Variants in TMEM191B observed in about 807,000 individuals in gnomAD.
TMEM191B encodes transmembrane protein 191B.
Under a neutral mutation model 26.6 loss-of-function variants are expected in TMEM191B, and 8 were observed. The ratio of observed to expected loss-of-function variants is 0.30; its 90% confidence interval spans 0.18 to 0.54. The LOEUF is 0.54. Ranked by LOEUF, TMEM191B falls within the 20% of genes least tolerant of loss-of-function variation. The pLI is 0.94. For synonymous variants in TMEM191B, 29 were observed against 113.7 expected (o/e 0.26, Z 4.74); for missense variants, 64 against 241.2 (o/e 0.27, Z 4.87).
In TMEM191B at chr22:18,528,823, C is replaced by G. The variant is rs747434095; in HGVS notation, c.427C>G (p.His143Asp). The G allele has an allele frequency of 9.4e-5, 88 of 934,940 alleles. 2 individuals carry two copies. Among genetic ancestry groups the G allele is most frequent in the Non-Finnish European group, 1.3e-4 (85 of 649,464 alleles). The allele number at this position is 934,940 out of a possible 1,614,324, so 57.9% of individuals were successfully genotyped here. A position where few individuals can be genotyped will look rare whatever the true frequency, so the allele number is the denominator to read the frequency against. The change falls in exon 3 of 9, where the codon CAC becomes GAC. Residue 143 changes from histidine to aspartate, a missense_variant. Transcript: ENST00000612978. ...CCCAGGACCCCGTCCGCAGGAGCAG[C>G]ACAGCAGGCAGCTGCAGGAGCAGTG... ...AERHKEDLEQ[H>D]SRQLQEQWEE...
intron 4 of TMEM191B, 95 bp from the exon 5 acceptor site, chr22:18,529,327 GCGGGCGGGGTCATGATCGC>G (rs1932840891): frequency 3.1e-6 from 1 of 327,410 alleles, no homozygotes; most frequent in African/African-American, 4.7e-5. Flanking sequence ...TCCTGAGGAC[GCGGGCGGGGTCATGATCGC>G]CTGGGGGCGG....
Position 18,530,197 on chromosome 22 carries a change from G to GT in TMEM191B, c.836+2dup. On this transcript the variant is annotated splice_donor_variant, in intron 8 of 8. Transcript: ENST00000612978. LOFTEE classifies it high-confidence loss of function. Reference sequence around the variant, plus strand: ...GCGGCCCTCGCGCGCTGGCCATCAGGTGAGCCGGGCGGTGGGCGCGGCCGC... The same window carrying GT: ...GCGGCCCTCGCGCGCTGGCCATCAGGTTGAGCCGGGCGGTGGGCGCGGCCGC... 1 of 558,168 alleles carries GT rather than the reference G, an allele frequency of 1.8e-6. No homozygotes were observed. The highest frequency in any genetic ancestry group is 2.3e-6 in the Non-Finnish European group (1 of 429,512). The allele number at this position is 558,168 out of a possible 1,614,324, so 34.6% of individuals were successfully genotyped here.
In TMEM191B at chr22:18,529,454, T is replaced by C. The variant is rs1202876835; in HGVS notation, c.560T>C (p.Leu187Pro). The C allele has an allele frequency of 3.9e-6, 2 of 514,464 alleles. No homozygotes were observed. The highest frequency in any genetic ancestry group is 7.2e-5 in the African/African-American group (2 of 27,728). The allele number at this position is 514,464 out of a possible 1,614,324, so 31.9% of individuals were successfully genotyped here. The change falls in exon 5 of 9, where the codon CTG becomes CCG. Residue 187 changes from leucine to proline, a missense_variant. Coordinates refer to ENST00000612978, the MANE Select transcript of TMEM191B (RefSeq NM_001242313.1). ...GTCCTTCTCAAGAATGAACTGGAGC[T>C]GGCGGAGACCAAATGCGCCTTGCAG... is the stretch of plus-strand genomic sequence containing the variant. ...QLVTLQNELELAETKCALQEE... is the reference protein window; with the variant it reads ...QLVTLQNELEPAETKCALQEE...
intron 1 of TMEM191B, 77 bp downstream of exon 1, chr22:18,528,353 G>A: frequency 7.6e-7 from 1 of 1,314,996 alleles, no homozygotes; most frequent in South Asian, 1.4e-5. Context: ...GAGGTGCTTC[G>A]CAGAGTACCA....
At chr22:18,529,128 G>C (rs1247146883) in intron 4 of TMEM191B, 35 bp downstream of exon 4, 1 of 920,204 alleles carries the variant, frequency 1.1e-6, no homozygotes, top group South Asian at 1.6e-5. Context: ...TTTAGTAGGG[G>C]CGGAGCAGCA....
intron 1 of TMEM191B, 42 bp from the exon 2 acceptor site, chr22:18,528,517 C>T (rs1286657147): frequency 9.5e-7 from 1 of 1,050,466 alleles, no homozygotes; most frequent in Non-Finnish European, 1.2e-6. Context: ...TCCTGAGCGA[C>T]CCAGTCCGCC....
At chr22:18,528,730 A>C (rs1235822849) in intron 2 of TMEM191B, 48 bp downstream of exon 2, 36 of 626,820 alleles carry the variant, frequency 5.7e-5, no homozygotes, top group Non-Finnish European at 7.9e-5. Flanking sequence ...GGGGTGAGGC[A>C]GGGCGGGCGG....
rs1220408362 is a variant in TMEM191B at position 18,528,614 on chromosome 22, G to A, written c.352G>A (p.Ala118Thr). 1.5e-5 allele frequency: 21 copies of A among 1,414,808 alleles called. No homozygotes were observed. The highest frequency in any genetic ancestry group is 2.7e-5 in the East Asian group (1 of 37,230). The allele number at this position is 1,414,808 out of a possible 1,614,324, so 87.6% of individuals were successfully genotyped here. ...GCCTCTGCAAGGGGAGGCGCGCGAG[G>A]CGGCGCGGGAGCGCGCGGAGCGGGT... ...AQPLQGEARE[A>T]ARERAERVRR... The change falls in exon 2 of 9, where the codon GCG becomes ACG. Residue 118 changes from alanine (A) to threonine (T), a missense_variant. Transcript: ENST00000612978.
intron 6 of TMEM191B, 33 bp from the exon 7 acceptor site, chr22:18,529,903 G>A (rs1175307459): frequency 1.7e-6 from 1 of 588,098 alleles, no homozygotes. Context: ...GTGGGGCCGG[G>A]CTGGGCTCCC....
rs1293333535 is a variant in TMEM191B at position 18,528,611 on chromosome 22, G to T, written c.349G>T (p.Glu117Ter). 9 of 1,386,976 alleles carry T rather than the reference G, an allele frequency of 6.5e-6. No homozygotes were observed. The highest frequency in any genetic ancestry group is 2.5e-5 in the Admixed American group (1 of 39,424). The allele number at this position is 1,386,976 out of a possible 1,614,324, so 85.9% of individuals were successfully genotyped here. The change falls in exon 2 of 9, where the codon GAG becomes TAG. Residue 117 changes from glutamate (E) to a stop codon, truncating the protein, a stop_gained. Transcript: ENST00000612978. LOFTEE classifies it high-confidence loss of function. Reference sequence around the variant, plus strand: ...GCAGCCTCTGCAAGGGGAGGCGCGCGAGGCGGCGCGGGAGCGCGCGGAGCG... The same window carrying T: ...GCAGCCTCTGCAAGGGGAGGCGCGCTAGGCGGCGCGGGAGCGCGCGGAGCG... ...AAQPLQGEAR[E>*]AARERAERVR...
chr22:18,529,715 A>G lies in TMEM191B; in HGVS notation c.713A>G (p.Asp238Gly). 1 of 438,006 alleles carries G rather than the reference A, an allele frequency of 2.3e-6. No individual in the cohort carries two copies. The highest frequency in any genetic ancestry group is 3.7e-6 in the Non-Finnish European group (1 of 266,860). 27.1% of individuals were successfully genotyped at this position (438,006 alleles called of 1,614,324 possible). The stretch of plus-strand genomic sequence containing the variant: ...GTGCCTCCCGCCTCTCCTCCCCCAG[A>G]CCTGGGGCGGTAAGTCTCCCAACCC... ...AKVPPASPPP[D>G]LGRCDGQLRG... The change falls in exon 6 of 9, where the codon GAC (aspartate) becomes GGC (glycine). Residue 238 changes from aspartate (D) to glycine (G), a missense_variant. Around this residue, in one of 5 missense-constraint regions of TMEM191B, gnomAD observed 26 missense variants for 127.1 expected, o/e 0.20. Transcript: ENST00000612978.
At position 18,529,926 on chromosome 22, in the gene TMEM191B, G is replaced by C. The variant is rs544248085; in HGVS notation, c.723-10G>C. 4.4e-6 allele frequency: 6 copies of C among 1,371,676 alleles called. No individual in the cohort carries two copies. The Admixed American group carries it at 1.5e-4, about 33-fold the overall frequency. 85.0% of individuals were successfully genotyped at this position (1,371,676 alleles called of 1,614,324 possible). ...GGGCTGGGCTCCCACCTGCATGCCT[G>C]TCCCCGCAGGTGTGACGGGCAGCTT... On this transcript the variant is annotated splice_polypyrimidine_tract_variant and intron_variant, in intron 6 of 8. Coordinates refer to ENST00000612978, the MANE Select transcript of TMEM191B (RefSeq NM_001242313.1).
In TMEM191B at chr22:18,529,591, G is replaced by C; in HGVS notation, c.604-15G>C. 1 of 451,458 alleles carries C rather than the reference G, an allele frequency of 2.2e-6. No individual in the cohort carries two copies. The highest frequency in any genetic ancestry group is 3.7e-6 in the Non-Finnish European group (1 of 273,560). The allele number at this position is 451,458 out of a possible 1,614,324, so 28.0% of individuals were successfully genotyped here. A position where few individuals can be genotyped will look rare whatever the true frequency, so the allele number is the denominator to read the frequency against. On this transcript the variant is annotated splice_polypyrimidine_tract_variant and intron_variant, in intron 5 of 8. Transcript: ENST00000612978. Reference sequence around the variant, plus strand: ...CCCCGACGCCGCCGAGTCTAACCCGGGTGTCCACACCCAGGACGCGCTGCA... The same window carrying C: ...CCCCGACGCCGCCGAGTCTAACCCGCGTGTCCACACCCAGGACGCGCTGCA...
intron 2 of TMEM191B, 52 bp from the exon 3 acceptor site, chr22:18,528,765 G>C (rs1015905642): frequency 1.3e-6 from 1 of 789,306 alleles, no homozygotes; most frequent in African/African-American, 2.5e-5. Context: ...CGGGGGTGGG[G>C]TGAGGTAGGA....
In TMEM191B at chr22:18,528,679, C is replaced by T. The variant is rs1402720342; in HGVS notation, c.417C>T (p.Asp139=). ...AGGAGGCGGAGCGCCACAAGGAGGACTTGGTGAGGAAGAGTCCTAGAATGG... is the reference window on the plus strand; with the variant it reads ...AGGAGGCGGAGCGCCACAAGGAGGATTTGGTGAGGAAGAGTCCTAGAATGG... ...RLEEAERHKE[D]LEQHSRQLQE... is the part of the protein sequence containing the mutation. Residue 139 remains aspartate, a synonymous_variant, in exon 2 of 9, where the codon GAC becomes GAT. Coordinates refer to ENST00000612978, the MANE Select transcript of TMEM191B (RefSeq NM_001242313.1). 4 of 1,482,644 alleles carry T rather than the reference C, an allele frequency of 2.7e-6. No individual in the cohort carries two copies. In the African/African-American group the frequency reaches 6.3e-5, roughly 23 times the overall value. 91.8% of individuals were successfully genotyped at this position (1,482,644 alleles called of 1,614,324 possible).
chr22:18,528,391 G>C (rs1932826888), intron 1 of TMEM191B, 115 bp downstream of exon 1: 1 of 1,379,644 alleles, frequency 7.2e-7, no homozygotes, highest in Non-Finnish European at 9.5e-7. Flanking sequence ...CCGCATCTCT[G>C]CTCTAGGCCC....
At position 18,530,272 on chromosome 22, in the gene TMEM191B, C is replaced by T. The variant is rs1932852379; in HGVS notation, c.854C>T (p.Ala285Val). The change falls in exon 9 of 9, where the codon GCG (alanine) becomes GTG (valine). Residue 285 changes from alanine to valine, a missense_variant. Ala to Val is a moderately conservative substitution (Grantham distance 64). Coordinates refer to ENST00000612978, the MANE Select transcript of TMEM191B (RefSeq NM_001242313.1). ...ALAIRRCVLG[A>V]LQVLLTLPLL... is the part of the protein sequence containing the mutation. The stretch of plus-strand genomic sequence containing the variant: ...CCCCGCAGGCGGTGCGTGCTGGGCG[C>T]GCTGCAGGTGCTGCTGACGCTGCCG... 4 of 566,166 alleles carry T rather than the reference C, an allele frequency of 7.1e-6. No individual in the cohort carries two copies. In the East Asian group the frequency reaches 2.0e-4, roughly 29 times the overall value. The allele number at this position is 566,166 out of a possible 1,614,324, so 35.1% of individuals were successfully genotyped here. A position where few individuals can be genotyped will look rare whatever the true frequency, so the allele number is the denominator to read the frequency against.
intron 4 of TMEM191B, 61 bp downstream of exon 4, chr22:18,529,154 T>A: frequency 1.1e-6 from 1 of 934,590 alleles, no homozygotes; most frequent in Non-Finnish European, 1.6e-6. Context: ...AGCGGGGCCG[T>A]GACCACCTGG....
chr22:18,529,152 C>T lies in TMEM191B; in HGVS notation c.546+59C>T, dbSNP rs980845480. On this transcript the variant is annotated intron_variant, in intron 4 of 8. Coordinates refer to ENST00000612978, the MANE Select transcript of TMEM191B (RefSeq NM_001242313.1). Reference sequence around the variant, plus strand: ...GGCGGAGCAGCAGCGTGAGCGGGGCCGTGACCACCTGGGGGTGTGGCTTAA... The same window carrying T: ...GGCGGAGCAGCAGCGTGAGCGGGGCTGTGACCACCTGGGGGTGTGGCTTAA... The T allele has an allele frequency of 4.3e-6, 4 of 925,928 alleles. No individual in the cohort carries two copies. In the African/African-American group the frequency reaches 7.4e-5, roughly 17 times the overall value. The allele number at this position is 925,928 out of a possible 1,614,324, so 57.4% of individuals were successfully genotyped here. A position where few individuals can be genotyped will look rare whatever the true frequency, so the allele number is the denominator to read the frequency against.
Sources: allele counts gnomAD v4.1 joint callset, GRCh38; gene constraint gnomAD v4.1.1; regional missense constraint gnomAD v4.1.1; transcripts MANE v1.5; gene names NCBI Gene and HGNC (gene_info 2026-07-23, HGNC 2026-07-21).